PIK3C2G: variants seen among roughly 807,000 people sequenced by gnomAD.
PIK3C2G encodes phosphatidylinositol 3-kinase C2 domain-containing subunit gamma.
PIK3C2G carries 168 observed loss-of-function variants against 181.1 expected under a neutral mutation model. The ratio of observed to expected loss-of-function variants is 0.93; its 90% CI spans 0.82 to 1.05. The LOEUF (loss-of-function observed/expected upper bound fraction) is 1.05. Among genes scored for constraint, PIK3C2G ranks in the 50% least tolerant of loss-of-function variants. PIK3C2G has a pLI of 0.00. For synonymous variants in PIK3C2G, 573 were observed against 592.2 expected (o/e 0.97, Z 0.47); for missense variants, 1,869 against 1,732.8 (o/e 1.08, Z -1.40).
At chr12:18,294,316 G>C (rs112184095) in intron 5 of PIK3C2G, among the ~76,000 whole-genome samples, 31 of 152,148 alleles carry the variant, frequency 2.0e-4, no homozygotes, top group Non-Finnish European at 1.5e-5. Flanking sequence ...TTTAAAACCA[G>C]TAAAGTCCCA....
intron 13 of PIK3C2G, among the ~76,000 whole-genome samples, chr12:18,375,821 G>A (rs577699447): frequency 6.6e-6 from 1 of 152,346 alleles, no homozygotes; most frequent in Non-Finnish European, 1.5e-5. Flanking sequence ...CCCACATCCA[G>A]GTGGCTCTGG....
intron 30 of PIK3C2G, among the ~76,000 whole-genome samples, chr12:18,600,215 A>G (rs1366267526): frequency 6.6e-6 from 1 of 152,036 alleles, no homozygotes; most frequent in East Asian, 1.9e-4. Flanking sequence ...AAATTCTTTA[A>G]TCATTTAATC....
At chr12:18,603,776 T>C (rs749534887) in intron 30 of PIK3C2G, among the ~76,000 whole-genome samples, 1 of 152,168 alleles carries the variant, frequency 6.6e-6, no homozygotes, top group Non-Finnish European at 1.5e-5. Flanking sequence ...AAACTAAGCA[T>C]CATTTATGAA....
At chr12:18,495,160 A>C (rs1056405628) in intron 20 of PIK3C2G, among the ~76,000 whole-genome samples, 6 of 152,072 alleles carry the variant, frequency 3.9e-5, no homozygotes, top group Non-Finnish European at 8.8e-5. Flanking sequence ...ACATGCATTG[A>C]TGTCATATTT....
At chr12:18,633,232 A>C (rs1315668739) in intron 31 of PIK3C2G, among the ~76,000 whole-genome samples, 1 of 152,236 alleles carries the variant, frequency 6.6e-6, no homozygotes, top group East Asian at 1.9e-4. Context: ...TATTAATATA[A>C]AGTATGATGT....
At chr12:18,606,378 C>G (rs971099797) in intron 30 of PIK3C2G, among the ~76,000 whole-genome samples, 15 of 152,114 alleles carry the variant, frequency 9.9e-5, no homozygotes, top group Admixed American at 7.9e-4. Context: ...ATTTTTAGCA[C>G]CTTTATACCA....
intron 3 of PIK3C2G, among the ~76,000 whole-genome samples, chr12:18,289,567 A>C (rs75808621): frequency 0.018 from 2,726 of 152,292 alleles, 80 homozygotes; most frequent in African/African-American, 0.062. Flanking sequence ...AGTGGCTCTC[A>C]AACTGCAGTT....
chr12:18,522,245 T>C (rs974467244), intron 24 of PIK3C2G, among the ~76,000 whole-genome samples: 3 of 152,254 alleles, frequency 2.0e-5, no homozygotes, highest in African/African-American at 7.2e-5. Flanking sequence ...TTGTTTTTAA[T>C]AGCTTTTTCT....
At chr12:18,688,339 T>C in the PIK3C2G span, 7 of 1,009,042 alleles carry the variant, frequency 6.9e-6, no homozygotes, top group Admixed American at 4.9e-5. Context: ...CCCACAAACA[T>C]TGAAAGTGGA....
rs1185798312 is a variant in PIK3C2G at position 18,343,513 on chromosome 12, T to G, written c.1429+153T>G. Among the ~76,000 whole-genome samples, 7 of 151,766 alleles carry G rather than the reference T, an allele frequency of 4.6e-5. No homozygotes were observed. The East Asian group carries it at 1.4e-3, about 29-fold the overall frequency. ...CACACGAGCTTTTTGAGGAGAAAGA[T>G]GCTTTTCTAAAGTTCTTTTTATTAA... On this transcript the variant is annotated intron_variant, in intron 10 of 32. Transcript: ENST00000538779.
intron 8 of PIK3C2G, among the ~76,000 whole-genome samples, chr12:18,330,711 G>A (rs529232233): frequency 6.6e-6 from 1 of 152,220 alleles, no homozygotes; most frequent in Admixed American, 6.5e-5. Flanking sequence ...CCAGGGATGA[G>A]GAGCAGTAAA....
the PIK3C2G span, among the ~76,000 whole-genome samples, chr12:18,716,024 C>T: frequency 6.6e-6 from 1 of 152,048 alleles, no homozygotes; most frequent in African/African-American, 2.4e-5. Flanking sequence ...TGTAGAATTG[C>T]AAATGAATAT....
rs1216521699 is a variant in PIK3C2G, at chr12:18,583,929, C to T, written c.4012-10565C>T. On this transcript the variant is annotated intron_variant, in intron 29 of 32. Coordinates refer to ENST00000538779, the MANE Select transcript of PIK3C2G (RefSeq NM_001288772.2). ...TGGATAGGAACAAAGATCATTGATG[C>T]TCAGGAGAACAGCAAAACCCAACCC... is the stretch of plus-strand genomic sequence containing the variant. 5.9e-5 allele frequency among the ~76,000 whole-genome samples: 9 copies of T among 152,250 alleles called. No individual in the cohort carries two copies. In the East Asian group the frequency reaches 1.4e-3, roughly 23 times the overall value.
chr12:18,643,755 G>C (rs765984828), intron 32 of PIK3C2G, among the ~76,000 whole-genome samples: 1 of 151,832 alleles, frequency 6.6e-6, no homozygotes, highest in Non-Finnish European at 1.5e-5. Context: ...GTGCTTACTA[G>C]AGAGCCCAGT....
chr12:18,348,542 G>T (rs1010745055), intron 11 of PIK3C2G, among the ~76,000 whole-genome samples: 1 of 152,070 alleles, frequency 6.6e-6, no homozygotes, highest in African/African-American at 2.4e-5. Flanking sequence ...TTTGATGAAG[G>T]AAACAAAATC....
At chr12:18,410,726 G>A (rs910889945) in intron 16 of PIK3C2G, among the ~76,000 whole-genome samples, 4 of 151,930 alleles carry the variant, frequency 2.6e-5, no homozygotes, top group South Asian at 2.1e-4. Flanking sequence ...GAACAGTCTC[G>A]ATGTTTAAAC....
chr12:18,642,654 A>G (rs1439174946), intron 32 of PIK3C2G, among the ~76,000 whole-genome samples: 1 of 152,100 alleles, frequency 6.6e-6, no homozygotes, highest in Non-Finnish European at 1.5e-5. Flanking sequence ...TTAGTCCTAC[A>G]CGGTTTTTCT....
chr12:18,246,364 A>C (rs1948039991), upstream of PIK3C2G, among the ~76,000 whole-genome samples: 1 of 152,230 alleles, frequency 6.6e-6, no homozygotes, highest in South Asian at 2.1e-4. Context: ...TCTCATAAGA[A>C]AACACACAGT....
rs1939318171 is a variant in PIK3C2G at position 18,343,319 on chromosome 12, T to A, written c.1396-8T>A. ...GAATAACAAGTATAATTTTACATTT[T>A]TTTTCAGAATTTTTATCAAAGTTCA... is the stretch of plus-strand genomic sequence containing the variant. On this transcript the variant is annotated splice_polypyrimidine_tract_variant and splice_region_variant and intron_variant, in intron 9 of 32. Coordinates refer to ENST00000538779, the MANE Select transcript of PIK3C2G (RefSeq NM_001288772.2). The A allele has an allele frequency of 2.2e-6, 3 of 1,334,026 alleles. No individual in the cohort carries two copies. The highest frequency in any genetic ancestry group is 2.9e-5 in the African/African-American group (2 of 68,094). 82.6% of individuals were successfully genotyped at this position (1,334,026 alleles called of 1,614,324 possible). A position where few individuals can be genotyped will look rare whatever the true frequency, so the allele number is the denominator to read the frequency against.
Sources: allele counts gnomAD v4.1 joint callset (sites outside exome capture counted in the v4.1 genomes callset), GRCh38; gene constraint gnomAD v4.1.1; transcripts MANE v1.5; gene names NCBI Gene and HGNC (gene_info 2026-07-23, HGNC 2026-07-21).